SBF2: variants seen among roughly 807,000 people sequenced by gnomAD.
The protein encoded by SBF2 is myotubularin-related protein 13.
In SBF2, 112 loss-of-function variants were observed where a neutral mutation model predicts 225.2. That is an observed-to-expected ratio of 0.50 (90% CI 0.43 to 0.58). SBF2 has a LOEUF of 0.58. SBF2 is among the 20% of genes least tolerant of loss of function. SBF2 has a pLI of 0.00. For missense variants in SBF2, 1,996 were observed against 2,206.2 expected, an observed-to-expected ratio of 0.90 and a Z score of 1.91; for synonymous variants, 763 against 773.3, an observed-to-expected ratio of 0.99 and a Z score of 0.22.
chr11:9,913,803 C>G (rs1469594596), intron 16 of SBF2, among the ~76,000 whole-genome samples: 7 of 152,220 alleles, frequency 4.6e-5, no homozygotes, highest in Non-Finnish European at 8.8e-5. Flanking sequence ...CGCTTCTCTT[C>G]CCTGACACTT....
intron 1 of SBF2, among the ~76,000 whole-genome samples, chr11:10,223,925 C>T (rs1958443058): frequency 6.6e-6 from 1 of 152,118 alleles, no homozygotes; most frequent in Admixed American, 6.6e-5. Context: ...AACAATACTA[C>T]AGTATATACT....
rs376521838 is a variant in SBF2, at chr11:9,778,732, C to T, written c.*1686G>A. 2.6e-5 allele frequency: 4 copies of T among 152,762 alleles called. No individual in the cohort carries two copies. The South Asian group carries it at 6.2e-4, about 24-fold the overall frequency. 9.5% of individuals were successfully genotyped at this position (152,762 alleles called of 1,614,324 possible). Reference sequence around the variant, plus strand: ...TGTATGAATCCTGAGTGTTACCCTCCTGAATGCTGTGCACTACAGAATGAA... The same window carrying T: ...TGTATGAATCCTGAGTGTTACCCTCTTGAATGCTGTGCACTACAGAATGAA... On this transcript the variant is annotated 3_prime_UTR_variant, in exon 40 of 40. Transcript: ENST00000256190.
At chr11:9,993,362 T>A (rs1467918269) in intron 10 of SBF2, among the ~76,000 whole-genome samples, 5 of 151,570 alleles carry the variant, frequency 3.3e-5, no homozygotes, top group Non-Finnish European at 5.9e-5. Context: ...GATCAGGAAA[T>A]GAAGGTCAAG....
chr11:10,020,867 G>T (rs1948827435), intron 6 of SBF2, among the ~76,000 whole-genome samples: 1 of 145,544 alleles, frequency 6.9e-6, no homozygotes, highest in Non-Finnish European at 1.5e-5. Context: ...TACAAAGTAA[G>T]AATAATATTT....
At chr11:10,038,847 T>G (rs943740828) in intron 3 of SBF2, among the ~76,000 whole-genome samples, 1 of 151,870 alleles carries the variant, frequency 6.6e-6, no homozygotes, top group Non-Finnish European at 1.5e-5. Flanking sequence ...TAAAAAGATA[T>G]AGAACTAAAT....
intron 12 of SBF2, among the ~76,000 whole-genome samples, chr11:9,990,836 G>GCAAA: frequency 6.6e-6 from 1 of 152,302 alleles, no homozygotes; most frequent in Middle Eastern, 3.4e-3. Flanking sequence ...CAACGACTTT[G>GCAAA]GGAGAGTTTG....
intron 16 of SBF2, among the ~76,000 whole-genome samples, chr11:9,938,955 A>G (rs1865075020): frequency 6.6e-6 from 1 of 152,124 alleles, no homozygotes. Context: ...AAAGGGCAAT[A>G]TCTAAACTAA....
chr11:10,245,426 A>AAAGG (rs1349220466), intron 1 of SBF2, among the ~76,000 whole-genome samples: 3 of 151,754 alleles, frequency 2.0e-5, no homozygotes, highest in Admixed American at 2.0e-4. Flanking sequence ...TATCTATAAC[A>AAAGG]ATTTTAAAAC....
At position 9,853,674 on chromosome 11, in the gene SBF2, C is replaced by G. The variant is rs1239562628; in HGVS notation, c.2402G>C (p.Ser801Thr). 1 of 1,614,000 alleles carries G rather than the reference C, an allele frequency of 6.2e-7. No individual in the cohort carries two copies. Among genetic ancestry groups the G allele is most frequent in the Admixed American group, 1.7e-5 (1 of 60,020 alleles). The change falls in exon 20 of 40, where the codon AGT becomes ACT. Residue 801 changes from serine to threonine, a missense_variant. Coordinates refer to ENST00000256190, the MANE Select transcript of SBF2 (RefSeq NM_030962.4). ...AGTATTCTCTGAATCTTCAAACCCA[C>G]TCTCTGTATCATAGCTCTCAGCTAC... ...GSVAESYDTE[S>T]GFEDSENTDI... is the part of the protein sequence containing the mutation.
intron 28 of SBF2, among the ~76,000 whole-genome samples, chr11:9,825,993 C>T (rs746136169): frequency 7.9e-5 from 12 of 152,110 alleles, no homozygotes; most frequent in Middle Eastern, 3.4e-3. Flanking sequence ...TTTTTTTAAA[C>T]GAAGAATCAC....
chr11:10,249,154 G>A (rs187833473), intron 1 of SBF2, among the ~76,000 whole-genome samples: 13 of 152,090 alleles, frequency 8.5e-5, no homozygotes, highest in African/African-American at 2.9e-4. Context: ...ATTTAAAGGG[G>A]TATTATCTTG....
At chr11:9,803,133 A>G (rs1336487665) in intron 32 of SBF2, among the ~76,000 whole-genome samples, 2 of 152,220 alleles carry the variant, frequency 1.3e-5, no homozygotes. Context: ...CCTACAAATA[A>G]TCGAACTTTA....
At chr11:10,237,926 T>G (rs140886721) in intron 1 of SBF2, among the ~76,000 whole-genome samples, 6 of 152,328 alleles carry the variant, frequency 3.9e-5, no homozygotes, top group African/African-American at 1.4e-4. Flanking sequence ...AAGTTGTTGA[T>G]CCATTAATCC....
intron 16 of SBF2, among the ~76,000 whole-genome samples, chr11:9,928,521 G>A (rs1469151701): frequency 6.6e-6 from 1 of 152,146 alleles, no homozygotes; most frequent in Non-Finnish European, 1.5e-5. Context: ...TGATAGAGCT[G>A]CTTGAAACAC....
chr11:9,943,547 A>G (rs539428211), intron 16 of SBF2, among the ~76,000 whole-genome samples: 39 of 152,256 alleles, frequency 2.6e-4, no homozygotes, highest in African/African-American at 8.9e-4. Context: ...AAAAGAAACA[A>G]TGCGAAAGAA....
At chr11:9,870,937 G>A (rs1232295299) in intron 17 of SBF2, among the ~76,000 whole-genome samples, 1 of 147,764 alleles carries the variant, frequency 6.8e-6, no homozygotes, top group Non-Finnish European at 1.5e-5. Flanking sequence ...TCACGCCACT[G>A]CACTCCAGCC....
At chr11:9,793,185 G>A (rs747660362) in intron 33 of SBF2, among the ~76,000 whole-genome samples, 2 of 151,890 alleles carry the variant, frequency 1.3e-5, no homozygotes, top group Non-Finnish European at 2.9e-5. Context: ...CTTTTTATCC[G>A]CATCATTGTA....
At chr11:10,296,443 A>G (rs1964550028), upstream of SBF2, among the ~76,000 whole-genome samples, 1 of 151,792 alleles carries the variant, frequency 6.6e-6, no homozygotes, top group Non-Finnish European at 1.5e-5. Flanking sequence ...TATACCATCA[A>G]ATCTCATAAA....
chr11:10,020,842 T>C (rs1343759167), intron 6 of SBF2, among the ~76,000 whole-genome samples: 1 of 148,928 alleles, frequency 6.7e-6, no homozygotes, highest in Non-Finnish European at 1.5e-5. Context: ...AGTCAACATT[T>C]TAATAACTTT....
Sources: allele counts gnomAD v4.1 joint callset (sites outside exome capture counted in the v4.1 genomes callset), GRCh38; gene constraint gnomAD v4.1.1; transcripts MANE v1.5; gene names NCBI Gene and HGNC (gene_info 2026-07-23, HGNC 2026-07-21).